RASSF4: variants seen among roughly 807,000 people sequenced by gnomAD.
RASSF4 encodes the protein ras association domain-containing protein 4.
RASSF4 carries 38 observed loss-of-function variants against 41.1 expected under a neutral mutation model. The ratio of observed to expected loss-of-function variants is 0.92; its 90% CI spans 0.71 to 1.21. The LOEUF is 1.21. Among genes scored for constraint, RASSF4 ranks in the 50% most tolerant of loss-of-function variants. The pLI, the probability that RASSF4 is intolerant of heterozygous loss-of-function variation, is 0.00. For synonymous variants in RASSF4, 179 were observed against 163.4 expected, an observed-to-expected ratio of 1.10 and a Z score of -0.73; for missense variants, 414 against 419.4, an observed-to-expected ratio of 0.99 and a Z score of 0.11.
intron 3 of RASSF4, chr10:44,982,071 C>G: frequency 4.5e-6 from 1 of 220,312 alleles, no homozygotes; most frequent in Non-Finnish European, 9.1e-6. Context: ...AGAGAGTGCC[C>G]ACTTCTCCTC....
rs41301593 is a variant in RASSF4 at position 44,971,295 on chromosome 10, C to T, written c.63-478C>T. 5.7e-3 allele frequency: 2,035 copies of T among 358,128 alleles called. 12 individuals are homozygous for T. The highest frequency in any genetic ancestry group is 7.2e-3 in the Non-Finnish European group (1,305 of 180,314). 22.2% of individuals were successfully genotyped at this position (358,128 alleles called of 1,614,324 possible). ...CTCACAGGGCCATCACCTTCCACTG[C>T]GCCTTTGGAAAGTCAGGGTGGGGAA... On this transcript the variant is annotated intron_variant, in intron 2 of 10. Transcript: ENST00000340258.
At position 44,979,393 on chromosome 10, in the gene RASSF4, A is replaced by C. The variant is rs556642175; in HGVS notation, c.139-3128A>C. On this transcript the variant is annotated intron_variant, in intron 3 of 10. Transcript: ENST00000340258. ...GCTAGTGTGTGCTGTGAATGCACTAAGCACAGCAAACGTAGCAGCGGACAA... is the reference window on the plus strand; with the variant it reads ...GCTAGTGTGTGCTGTGAATGCACTACGCACAGCAAACGTAGCAGCGGACAA... Among the ~76,000 whole-genome samples the C allele has an allele frequency of 4.6e-5, 7 of 152,332 alleles. No individual in the cohort carries two copies. The East Asian group carries it at 1.4e-3, about 29-fold the overall frequency.
At chr10:44,991,240 C>G (rs751131798) in intron 9 of RASSF4, 171 bp downstream of exon 9, 52 of 502,224 alleles carry the variant, frequency 1.0e-4, no homozygotes, top group Non-Finnish European at 1.5e-4. Context: ...CTCCCTCTCC[C>G]ATCAGTGACC....
At chr10:44,963,113 C>T (rs1235569909) in intron 1 of RASSF4, among the ~76,000 whole-genome samples, 1 of 151,966 alleles carries the variant, frequency 6.6e-6, no homozygotes, top group African/African-American at 2.4e-5. Context: ...GAGCTCTGTG[C>T]CCGCCTCTCC....
At chr10:44,992,679 C>T (rs1842161240) in intron 10 of RASSF4, among the ~76,000 whole-genome samples, 1 of 152,172 alleles carries the variant, frequency 6.6e-6, no homozygotes, top group Non-Finnish European at 1.5e-5. Context: ...AGGGCAGGAG[C>T]TCACTGAGAG....
At position 44,993,880 on chromosome 10, in the gene RASSF4, A is replaced by G. The variant is rs7068974; in HGVS notation, c.*551A>G. The G allele has an allele frequency of 0.033, 5,126 of 154,006 alleles. 225 individuals are homozygous for G. The highest frequency in any genetic ancestry group is 0.097 in the African/African-American group (4,034 of 41,618). The allele number at this position is 154,006 out of a possible 1,614,324, so 9.5% of individuals were successfully genotyped here. On this transcript the variant is annotated 3_prime_UTR_variant, in exon 11 of 11. Transcript: ENST00000340258. The stretch of plus-strand genomic sequence containing the variant: ...TCACCCTGTGAGCCTCGCACAGCTC[A>G]GCCCCAACACAGAGGTGAGACCAGG...
At chr10:44,983,261 G>A in intron 4 of RASSF4, 1 of 270,284 alleles carries the variant, frequency 3.7e-6, no homozygotes, top group East Asian at 1.1e-4. Flanking sequence ...CACATTCAGA[G>A]CTTTGCCCCC....
At chr10:44,974,625 C>CCG (rs1382082471) in intron 3 of RASSF4, among the ~76,000 whole-genome samples, 1 of 152,000 alleles carries the variant, frequency 6.6e-6, no homozygotes, top group Admixed American at 6.6e-5. Context: ...GAAAGAGACC[C>CCG]CCCCGTGTTG....
intron 3 of RASSF4, among the ~76,000 whole-genome samples, chr10:44,980,314 A>C (rs908648959): frequency 6.6e-6 from 1 of 152,236 alleles, no homozygotes; most frequent in Admixed American, 6.5e-5. Flanking sequence ...CCCTTTGTCT[A>C]GTTCGCTGGC....
intron 5 of RASSF4, 96 bp downstream of exon 5, chr10:44,984,209 G>A (rs1841831510): frequency 7.9e-7 from 1 of 1,262,020 alleles, no homozygotes; most frequent in African/African-American, 1.5e-5. Flanking sequence ...GGACAGCTTT[G>A]TGCCCCAGCC....
Position 44,971,804 on chromosome 10 carries a change from A to G in RASSF4, c.94A>G (p.Asn32Asp), listed in dbSNP as rs1228006945. The G allele has an allele frequency of 2.5e-6, 4 of 1,613,740 alleles. No individual in the cohort carries two copies. The African/African-American group carries it at 4.0e-5, about 16-fold the overall frequency. The change falls in exon 3 of 11, where the codon AAC becomes GAC. Residue 32 changes from asparagine to aspartate, a missense_variant. Physicochemically the swap from Asn to Asp is conservative, Grantham distance 23 (BLOSUM62 1). Coordinates refer to ENST00000340258, the MANE Select transcript of RASSF4 (RefSeq NM_032023.4). ...GCTCTTAGGCCTGCTGAAAACCTAC[A>G]ACTGCTACCATGAGGGCAAGAGCTT... is the stretch of plus-strand genomic sequence containing the variant. Reference protein sequence around the residue: ...SELLGLLKTYNCYHEGKSFQL... With the variant: ...SELLGLLKTYDCYHEGKSFQL...
At chr10:44,986,252 A>G (rs956030412) in intron 6 of RASSF4, among the ~76,000 whole-genome samples, 21 of 152,202 alleles carry the variant, frequency 1.4e-4, no homozygotes, top group Admixed American at 3.9e-4. Flanking sequence ...GCATTGGTAC[A>G]TTCGCTTCTC....
chr10:44,979,844 C>T (rs186168007), intron 3 of RASSF4, among the ~76,000 whole-genome samples: 2 of 152,136 alleles, frequency 1.3e-5, no homozygotes, highest in South Asian at 2.1e-4. Context: ...TTCAAAGGAT[C>T]GCTGCAGCTG....
chr10:44,984,948 A>G lies in RASSF4; in HGVS notation c.509A>G (p.Asn170Ser), dbSNP rs1379497713. The change falls in exon 6 of 11, where the codon AAC becomes AGC. Residue 170 changes from asparagine (N) to serine (S), a missense_variant. By Grantham distance (46) the Asn-to-Ser change is conservative. Transcript: ENST00000340258. ...QRIRRHRFSINGHFYNHKTSV... is the reference protein window; with the variant it reads ...QRIRRHRFSISGHFYNHKTSV... ...ATCCGGCGACACCGGTTCTCTATCA[A>G]CGGCCACTTCTACAATCATAAGGTG... is the stretch of plus-strand genomic sequence containing the variant. 4.3e-6 allele frequency: 7 copies of G among 1,612,686 alleles called. No homozygotes were observed. The highest frequency in any genetic ancestry group is 5.9e-6 in the Non-Finnish European group (7 of 1,180,004).
rs1384282565 is a variant in RASSF4, at chr10:44,989,732, G to T, written c.685+11G>T. 3.1e-6 allele frequency: 5 copies of T among 1,612,976 alleles called. No individual in the cohort carries two copies. In the South Asian group the frequency reaches 4.4e-5, roughly 14 times the overall value. On this transcript the variant is annotated intron_variant, in intron 8 of 10. Transcript: ENST00000340258. Reference sequence around the variant, plus strand: ...TTCACGAGTCTGGGGGTAAGTACCTGCCCCACTTCTGGATCGTAAAAGCAA... The same window carrying T: ...TTCACGAGTCTGGGGGTAAGTACCTTCCCCACTTCTGGATCGTAAAAGCAA...
At position 44,994,521 on chromosome 10, in the gene RASSF4, C is replaced by T. The variant is rs563083498; in HGVS notation, c.*1192C>T. 3 of 152,452 alleles carry T rather than the reference C, an allele frequency of 2.0e-5. No homozygotes were observed. Among genetic ancestry groups the T allele is most frequent in the Admixed American group, 2.0e-4 (3 of 15,296 alleles). The allele number at this position is 152,452 out of a possible 1,614,324, so 9.4% of individuals were successfully genotyped here. On this transcript the variant is annotated 3_prime_UTR_variant, in exon 11 of 11. Transcript: ENST00000340258. The stretch of plus-strand genomic sequence containing the variant: ...GCTCCTTACGGGTGCCCATCAAGAG[C>T]ATAGCTTGGAAGCCACCATGCTGTG...
At chr10:44,965,348 G>A (rs1021298540) in intron 1 of RASSF4, among the ~76,000 whole-genome samples, 1 of 152,180 alleles carries the variant, frequency 6.6e-6, no homozygotes, top group Non-Finnish European at 1.5e-5. Flanking sequence ...CTGGATGTGG[G>A]GAAAGATCTG....
chr10:44,961,496 G>A (rs1031139481), intron 1 of RASSF4, among the ~76,000 whole-genome samples: 2 of 152,224 alleles, frequency 1.3e-5, no homozygotes, highest in Admixed American at 6.5e-5. Flanking sequence ...TCTGGGGCCT[G>A]GTTTCAGGTG....
At chr10:44,965,282 A>G (rs1263008831) in intron 1 of RASSF4, among the ~76,000 whole-genome samples, 1 of 152,176 alleles carries the variant, frequency 6.6e-6, no homozygotes, top group Non-Finnish European at 1.5e-5. Flanking sequence ...TGACCTTGTT[A>G]TGTAGATGAA....
Sources: gnomAD v4.1 joint callset for allele counts (sites outside exome capture counted in the v4.1 genomes callset) on GRCh38, gnomAD v4.1.1 for gene constraint, MANE v1.5 for transcripts, NCBI Gene and HGNC (gene_info 2026-07-23, HGNC 2026-07-21) for gene names.